Variants in DENND1A observed in about 807,000 individuals in gnomAD.
DENND1A encodes the protein DENN domain-containing protein 1A.
A neutral mutation model predicts 113.7 loss-of-function variants in DENND1A; 51 were observed. That is an observed-to-expected ratio of 0.45 (90% confidence interval 0.36 to 0.57). The LOEUF (loss-of-function observed/expected upper bound fraction) is 0.57, where lower values mean the gene tolerates loss of function less well. Among genes scored for constraint, DENND1A ranks in the 20% least tolerant of loss-of-function variants. DENND1A has a pLI of 0.00. For synonymous variants in DENND1A, 565 were observed against 570.8 expected (o/e 0.99, Z 0.14); for missense variants, 1,258 against 1,395.9 (o/e 0.90, Z 1.57).
chr9:123,559,086 G>T (rs1263189415), intron 12 of DENND1A, among the ~76,000 whole-genome samples: 1 of 152,198 alleles, frequency 6.6e-6, no homozygotes, highest in African/African-American at 2.4e-5. Context: ...GGTGAGGGTG[G>T]TTAACTCAGC....
At chr9:123,717,390 G>A (rs1193945167) in intron 5 of DENND1A, among the ~76,000 whole-genome samples, 1 of 152,124 alleles carries the variant, frequency 6.6e-6, no homozygotes, top group Non-Finnish European at 1.5e-5. Context: ...ATACTCTGAA[G>A]GGGAATGATT....
At chr9:123,467,516 A>G (rs1403486713) in intron 13 of DENND1A, among the ~76,000 whole-genome samples, 1 of 152,056 alleles carries the variant, frequency 6.6e-6, no homozygotes, top group African/African-American at 2.4e-5. Flanking sequence ...TTAGCCAGGC[A>G]TATTGGCGGG....
intron 5 of DENND1A, among the ~76,000 whole-genome samples, chr9:123,711,490 T>A (rs200467721): frequency 0.012 from 1,004 of 81,874 alleles, 16 homozygotes; most frequent in African/African-American, 0.047. Context: ...TTAAAAAATA[T>A]ATATATATAT....
At chr9:123,684,490 T>C (rs935487156) in intron 5 of DENND1A, among the ~76,000 whole-genome samples, 2 of 152,192 alleles carry the variant, frequency 1.3e-5, no homozygotes, top group Admixed American at 6.5e-5. Context: ...TTCTCCCCTA[T>C]TATACTCAGC....
At chr9:123,512,855 G>A (rs1477169552) in intron 13 of DENND1A, among the ~76,000 whole-genome samples, 2 of 152,286 alleles carry the variant, frequency 1.3e-5, no homozygotes, top group African/African-American at 4.8e-5. Context: ...CTGGAAAATG[G>A]GGATAATAAT....
rs1441831387 is a variant in DENND1A at position 123,380,153 on chromosome 9, T to C, written c.*1279A>G. 6.6e-6 allele frequency: 1 copy of C among 152,174 alleles called. No individual in the cohort carries two copies. Among genetic ancestry groups the C allele is most frequent in the Non-Finnish European group, 1.5e-5 (1 of 68,024 alleles). 9.4% of individuals were successfully genotyped at this position (152,174 alleles called of 1,614,324 possible). A position where few individuals can be genotyped will look rare whatever the true frequency, so the allele number is the denominator to read the frequency against. ...TAGACTGTGTCTGACCCTTCACAAA[T>C]AGGAAATGAGAGCTCGGGTCGAAAT... is the stretch of plus-strand genomic sequence containing the variant. On this transcript the variant is annotated 3_prime_UTR_variant, in exon 24 of 24. Transcript: ENST00000394215.
chr9:123,720,618 C>G lies in DENND1A; in HGVS notation c.302+37085G>C, dbSNP rs114195236. Among the ~76,000 whole-genome samples the G allele has an allele frequency of 2.0e-5, 3 of 152,206 alleles. No individual in the cohort carries two copies. The South Asian group carries it at 6.2e-4, about 32-fold the overall frequency. The stretch of plus-strand genomic sequence containing the variant: ...TGTTCACCCTTCTATCAGGGCTATT[C>G]AAAATACATGCAAACTCTTTTCAGA... On this transcript the variant is annotated intron_variant, in intron 5 of 23. Coordinates refer to ENST00000394215, the MANE Select transcript of DENND1A (RefSeq NM_001352964.2).
intron 12 of DENND1A, among the ~76,000 whole-genome samples, chr9:123,562,556 A>G (rs1212669051): frequency 6.6e-6 from 1 of 152,198 alleles, no homozygotes; most frequent in Non-Finnish European, 1.5e-5. Flanking sequence ...TAAAAATTAT[A>G]TATAAATATA....
chr9:123,527,989 C>A (rs564595085), intron 13 of DENND1A, among the ~76,000 whole-genome samples: 3 of 152,090 alleles, frequency 2.0e-5, no homozygotes, highest in African/African-American at 7.2e-5. Context: ...GACATGTGAA[C>A]GCACCTGCCA....
chr9:123,457,297 C>T, intron 15 of DENND1A, 51 bp downstream of exon 15: 2 of 1,412,466 alleles, frequency 1.4e-6, no homozygotes, highest in Non-Finnish European at 2.0e-6. Context: ...TCAAATATGC[C>T]CTAAATGATA....
At chr9:123,893,509 C>T (rs1241883191) in intron 1 of DENND1A, among the ~76,000 whole-genome samples, 1 of 152,112 alleles carries the variant, frequency 6.6e-6, no homozygotes, top group Non-Finnish European at 1.5e-5. Context: ...CCACATGCCC[C>T]CACATTTTAG....
At chr9:123,901,635 C>A (rs1320742092) in intron 1 of DENND1A, among the ~76,000 whole-genome samples, 1 of 152,170 alleles carries the variant, frequency 6.6e-6, no homozygotes, top group African/African-American at 2.4e-5. Context: ...ACCCAGGCTA[C>A]AAACTCTAGA....
intron 10 of DENND1A, among the ~76,000 whole-genome samples, chr9:123,625,301 A>G (rs188896470): frequency 6.6e-6 from 1 of 152,246 alleles, no homozygotes; most frequent in Admixed American, 6.5e-5. Flanking sequence ...TCACAGATGT[A>G]AAGGAGATGG....
intron 5 of DENND1A, among the ~76,000 whole-genome samples, chr9:123,696,334 A>G (rs1178751642): frequency 6.6e-6 from 1 of 152,232 alleles, no homozygotes; most frequent in Non-Finnish European, 1.5e-5. Context: ...AGAATTCATG[A>G]CTACAAGGTG....
In DENND1A at chr9:123,840,426, T is replaced by C. The variant is rs577545782; in HGVS notation, c.88+38525A>G. 2.0e-5 allele frequency among the ~76,000 whole-genome samples: 3 copies of C among 152,242 alleles called. No homozygotes were observed. In the South Asian group the frequency reaches 6.2e-4, roughly 32 times the overall value. On this transcript the variant is annotated intron_variant, in intron 2 of 23. Coordinates refer to ENST00000394215, the MANE Select transcript of DENND1A (RefSeq NM_001352964.2). ...CACCAAAGTTTAAACATGATAATTA[T>C]AACAGAACTCCAATGAGGTCGTTAG...
At chr9:123,817,103 A>C (rs1030320280) in intron 2 of DENND1A, among the ~76,000 whole-genome samples, 1 of 152,232 alleles carries the variant, frequency 6.6e-6, no homozygotes, top group African/African-American at 2.4e-5. Context: ...CTCAATGGTA[A>C]CCCCGATGGT....
chr9:123,744,768 CTCTT>C lies in DENND1A; in HGVS notation c.302+12931_302+12934del, dbSNP rs1183223481. On this transcript the variant is annotated intron_variant, in intron 5 of 23. Transcript: ENST00000394215. ...TACCAATATTCTTTACTTATATTAGCTCTTTTTTTTTTTTTTTTTTTTTTGACAC... is the reference window on the plus strand; with the variant it reads ...TACCAATATTCTTTACTTATATTAGCTTTTTTTTTTTTTTTTTTTTGACAC... Among the ~76,000 whole-genome samples, 1,245 of 137,912 alleles carry C rather than the reference CTCTT, an allele frequency of 9.0e-3. 20 individuals carry two copies. The highest frequency in any genetic ancestry group is 0.012 in the Non-Finnish European group (775 of 65,840). 90.5% of individuals were successfully genotyped at this position (137,912 alleles called of 152,430 possible).
chr9:123,769,545 T>C lies in DENND1A; in HGVS notation c.151A>G (p.Thr51Ala), dbSNP rs771261229. The change falls in exon 4 of 24, where the codon ACC (threonine) becomes GCC (alanine). Residue 51 changes from threonine (T) to alanine (A), a missense_variant. This residue lies in a region of DENND1A where 99 missense variants were observed against 164.2 expected (regional missense o/e 0.60). Coordinates refer to ENST00000394215, the MANE Select transcript of DENND1A (RefSeq NM_001352964.2). ...YSDQEVLQTL[T>A]KFCFPFYVDS... ...ACATAGAAGGGGAAACAAAACTTGG[T>C]CAAAGTCTGTAGAACTTCCTGTGGA... The C allele has an allele frequency of 6.2e-7, 1 of 1,609,844 alleles. No homozygotes were observed. Among genetic ancestry groups the C allele is most frequent in the East Asian group, 2.2e-5 (1 of 44,712 alleles).
intron 13 of DENND1A, chr9:123,485,540 C>G (rs1247582885): frequency 1.3e-5 from 2 of 152,030 alleles, no homozygotes; most frequent in African/African-American, 2.4e-5. Flanking sequence ...AGGGCTCCCC[C>G]ACCTGAGTAC....
Sources: gnomAD v4.1 joint callset for allele counts (sites outside exome capture counted in the v4.1 genomes callset) on GRCh38, gnomAD v4.1.1 for gene constraint, gnomAD v4.1.1 regional missense constraint, MANE v1.5 for transcripts, NCBI Gene and HGNC (gene_info 2026-07-23, HGNC 2026-07-21) for gene names.